The following AFF3 variants were observed in gnomAD, a reference collection of about 807,000 sequenced individuals.
AFF3 encodes the protein AF4/FMR2 family member 3.
A neutral mutation model predicts 129.7 loss-of-function variants in AFF3; 32 were observed. The observed-to-expected ratio is 0.25, with a 90% CI of 0.19 to 0.33. The LOEUF (loss-of-function observed/expected upper bound fraction) is 0.33. Ranked by LOEUF, AFF3 falls within the 10% of genes least tolerant of loss-of-function variation. The probability of loss-of-function intolerance (pLI) is 1.00; values close to 1 mark genes in which losing one functional copy is unlikely to be tolerated. For missense variants in AFF3, 1,373 were observed against 1,592.0 expected, an observed-to-expected ratio of 0.86 and a Z score of 2.34; for synonymous variants, 644 against 635.4, an observed-to-expected ratio of 1.01 and a Z score of -0.20.
chr2:99,854,048 G>T (rs1036273225), intron 7 of AFF3, among the ~76,000 whole-genome samples: 23 of 152,092 alleles, frequency 1.5e-4, no homozygotes, highest in Admixed American at 1.5e-3. Context: ...TCTGTGTCTG[G>T]TGCATGTATT....
At chr2:99,880,028 C>G (rs1056117962) in intron 7 of AFF3, among the ~76,000 whole-genome samples, 4 of 152,154 alleles carry the variant, frequency 2.6e-5, no homozygotes, top group African/African-American at 9.7e-5. Flanking sequence ...TAAGTCAAAG[C>G]TGGATTCCCT....
At chr2:100,044,409 GA>G (rs1685672690) in intron 4 of AFF3, among the ~76,000 whole-genome samples, 1 of 151,838 alleles carries the variant, frequency 6.6e-6, no homozygotes, top group African/African-American at 2.4e-5. Context: ...AACGTATTCA[GA>G]ATAGCTCCGT....
At chr2:100,020,008 G>A (rs1230437375) in intron 4 of AFF3, among the ~76,000 whole-genome samples, 1 of 152,126 alleles carries the variant, frequency 6.6e-6, no homozygotes, top group Non-Finnish European at 1.5e-5. Context: ...GAGAATGATA[G>A]GCCCTCCCTG....
intron 11 of AFF3, among the ~76,000 whole-genome samples, chr2:99,718,995 C>T (rs551615807): frequency 4.0e-4 from 61 of 151,744 alleles, no homozygotes; most frequent in African/African-American, 1.4e-3. Context: ...TCATGATCCA[C>T]CCGCCTTGGC....
chr2:99,567,381 C>T (rs1050848959), intron 19 of AFF3, among the ~76,000 whole-genome samples: 7 of 152,074 alleles, frequency 4.6e-5, no homozygotes, highest in Non-Finnish European at 7.4e-5. Flanking sequence ...ACTCCACAAG[C>T]GAAAGCTCTT....
At chr2:99,981,886 T>C (rs1169069808) in intron 7 of AFF3, among the ~76,000 whole-genome samples, 1 of 152,198 alleles carries the variant, frequency 6.6e-6, no homozygotes, top group Non-Finnish European at 1.5e-5. Flanking sequence ...CAGATGCATG[T>C]TATGTTCTTG....
chr2:99,592,376 C>G (rs1678770394), intron 15 of AFF3, among the ~76,000 whole-genome samples: 1 of 152,176 alleles, frequency 6.6e-6, no homozygotes, highest in Non-Finnish European at 1.5e-5. Context: ...ACAGAAGCAA[C>G]AGCTGCTGGT....
chr2:99,812,495 G>A (rs1172664761), intron 8 of AFF3, among the ~76,000 whole-genome samples: 1 of 152,122 alleles, frequency 6.6e-6, no homozygotes, highest in Non-Finnish European at 1.5e-5. Flanking sequence ...AAATTCTCAC[G>A]TACACGGCAT....
intron 16 of AFF3, 96 bp from the exon 17 acceptor site, chr2:99,583,095 T>TG: frequency 9.2e-7 from 1 of 1,087,048 alleles, no homozygotes; most frequent in Non-Finnish European, 1.4e-6. Context: ...TGGGACCTGT[T>TG]GGTAGGAGAA....
rs10173143 is a variant in AFF3, at chr2:99,929,904, T to G, written c.873+76728A>C. 5.1e-3 allele frequency among the ~76,000 whole-genome samples: 771 copies of G among 151,200 alleles called. 7 individuals are homozygous for G. Among genetic ancestry groups the G allele is most frequent in the African/African-American group, 0.018 (744 of 40,616 alleles). On this transcript the variant is annotated intron_variant, in intron 7 of 24. Coordinates refer to ENST00000672756, the MANE Select transcript of AFF3 (RefSeq NM_001386135.1). ...CTGGGGGTAAATGCGCCATTATACATTTTGAATTTTTAGCTTTTTTTTTTT... is the reference window on the plus strand; with the variant it reads ...CTGGGGGTAAATGCGCCATTATACAGTTTGAATTTTTAGCTTTTTTTTTTT...
At chr2:100,114,156 G>T (rs550273041) in intron 2 of AFF3, among the ~76,000 whole-genome samples, 2 of 152,258 alleles carry the variant, frequency 1.3e-5, no homozygotes, top group East Asian at 3.9e-4. Flanking sequence ...ATTTCACAGA[G>T]GATTCAGCCC....
chr2:99,873,556 C>T (rs746177282), intron 7 of AFF3, among the ~76,000 whole-genome samples: 15 of 152,060 alleles, frequency 9.9e-5, no homozygotes, highest in Non-Finnish European at 1.9e-4. Context: ...GGAGAGGATT[C>T]GCAGTACATG....
chr2:100,107,265 G>A (rs996560897), intron 2 of AFF3: 1 of 985,330 alleles, frequency 1.0e-6, no homozygotes, highest in Middle Eastern at 5.2e-4. Flanking sequence ...AGAACAGTTA[G>A]TGAGAGCCTT....
intron 8 of AFF3, among the ~76,000 whole-genome samples, chr2:99,790,025 A>T (rs911894011): frequency 2.0e-5 from 3 of 152,214 alleles, no homozygotes; most frequent in Admixed American, 2.0e-4. Flanking sequence ...ATGCAAAGTG[A>T]TTGCTCATCA....
intron 7 of AFF3, among the ~76,000 whole-genome samples, chr2:99,868,017 C>T (rs59382356): frequency 0.35 from 50,384 of 143,870 alleles, 9,261 homozygotes; most frequent in East Asian, 0.52. Flanking sequence ...TCTTTCTTTC[C>T]TTTTTTTTTT....
At chr2:100,089,001 T>C (rs547135223) in intron 4 of AFF3, among the ~76,000 whole-genome samples, 2 of 152,336 alleles carry the variant, frequency 1.3e-5, no homozygotes, top group African/African-American at 4.8e-5. Flanking sequence ...AGAAGCATTG[T>C]TATACATTTT....
chr2:99,845,133 G>A (rs1689630674), intron 7 of AFF3, among the ~76,000 whole-genome samples: 1 of 152,006 alleles, frequency 6.6e-6, no homozygotes, highest in South Asian at 2.1e-4. Flanking sequence ...ATTAAAATTA[G>A]GCTTATATCC....
chr2:99,695,277 T>A (rs1174508865), intron 11 of AFF3, among the ~76,000 whole-genome samples: 1 of 152,218 alleles, frequency 6.6e-6, no homozygotes, highest in Non-Finnish European at 1.5e-5. Context: ...TGGCCCTGGC[T>A]GGGCCAGTCC....
chr2:99,809,216 G>A lies in AFF3; in HGVS notation c.921+28261C>T, dbSNP rs1211650775. Among the ~76,000 whole-genome samples, 5 of 152,218 alleles carry A rather than the reference G, an allele frequency of 3.3e-5. No individual in the cohort carries two copies. The South Asian group carries it at 8.3e-4, about 25-fold the overall frequency. The stretch of plus-strand genomic sequence containing the variant: ...CTTTGAGGTTCCAAGACATATACTT[G>A]GACATGGGAGTGAAGGTTCAATAGA... On this transcript the variant is annotated intron_variant, in intron 8 of 24. Coordinates refer to ENST00000672756, the MANE Select transcript of AFF3 (RefSeq NM_001386135.1).
Sources: gnomAD v4.1 joint callset for allele counts (sites outside exome capture counted in the v4.1 genomes callset) on GRCh38, gnomAD v4.1.1 for gene constraint, MANE v1.5 for transcripts, NCBI Gene and HGNC (gene_info 2026-07-23, HGNC 2026-07-21) for gene names.